The following STPG2 variants were observed in gnomAD, a reference collection of about 807,000 sequenced individuals.
The protein encoded by STPG2 is sperm tail PG-rich repeat containing 2.
A neutral mutation model predicts 54.2 loss-of-function variants in STPG2; 56 were observed. The observed-to-expected ratio is 1.03, with a 90% CI of 0.83 to 1.29. The LOEUF (loss-of-function observed/expected upper bound fraction) is 1.29. Among genes scored for constraint, STPG2 ranks in the 50% most tolerant of loss-of-function variants. STPG2 has a pLI of 0.00. For missense variants in STPG2, 596 were observed against 544.9 expected, an observed-to-expected ratio of 1.09 and a Z score of -0.93; for synonymous variants, 200 against 181.8, an observed-to-expected ratio of 1.10 and a Z score of -0.81.
chr4:98,012,013 C>G (rs1473523200), intron 5 of STPG2, among the ~76,000 whole-genome samples: 1 of 152,194 alleles, frequency 6.6e-6, no homozygotes, highest in Non-Finnish European at 1.5e-5. Context: ...GCATTTTCGT[C>G]ATGAAATCTT....
intron 8 of STPG2, among the ~76,000 whole-genome samples, chr4:97,940,360 A>G (rs1415953074): frequency 6.6e-6 from 1 of 152,168 alleles, no homozygotes; most frequent in Non-Finnish European, 1.5e-5. Context: ...CAAAATTGGG[A>G]AAGTAGTCAT....
chr4:97,972,567 T>A, intron 6 of STPG2, 127 bp from the exon 7 acceptor site: 1 of 543,024 alleles, frequency 1.8e-6, no homozygotes, highest in Non-Finnish European at 3.0e-6. Context: ...GGCATAAATG[T>A]AAAATGGCAT....
chr4:97,627,276 A>ATCAC (rs529761756), intron 10 of STPG2, among the ~76,000 whole-genome samples: 138 of 152,292 alleles, frequency 9.1e-4, no homozygotes, highest in African/African-American at 3.1e-3. Context: ...CAGATAAAAG[A>ATCAC]TCACTGATCT....
intron 5 of STPG2, among the ~76,000 whole-genome samples, chr4:98,101,579 C>T (rs1327611005): frequency 6.6e-6 from 1 of 152,096 alleles, no homozygotes; most frequent in Admixed American, 6.6e-5. Context: ...ATCAGAATCA[C>T]CCAACCTTAA....
intron 10 of STPG2, among the ~76,000 whole-genome samples, chr4:97,591,424 T>G (rs1477933568): frequency 6.6e-6 from 1 of 152,166 alleles, no homozygotes; most frequent in African/African-American, 2.4e-5. Flanking sequence ...GGCTAAGTTA[T>G]ATATTATTTC....
chr4:97,471,924 A>C (rs1560622959), intron 4 of STPG2, among the ~76,000 whole-genome samples: 1 of 152,266 alleles, frequency 6.6e-6, no homozygotes, highest in Middle Eastern at 3.4e-3. Flanking sequence ...TGGTAAATAA[A>C]ATTTTTTCTT....
chr4:97,573,689 T>C (rs998261397), intron 10 of STPG2, among the ~76,000 whole-genome samples: 1 of 152,122 alleles, frequency 6.6e-6, no homozygotes, highest in South Asian at 2.1e-4. Context: ...TTTTAAAATG[T>C]CCTCAATATC....
chr4:98,121,727 T>G (rs1214998), intron 3 of STPG2, among the ~76,000 whole-genome samples: 82,074 of 151,060 alleles, frequency 0.54, 22,559 homozygotes, highest in African/African-American at 0.62. Context: ...GTGATTTTTT[T>G]TGTGTGTGTG....
In STPG2 at chr4:97,719,293, C is replaced by A. The variant is rs574585841; in HGVS notation, c.1205-6479G>T. Among the ~76,000 whole-genome samples the A allele has an allele frequency of 4.5e-4, 69 of 151,986 alleles. No individual in the cohort carries two copies. The South Asian group carries it at 0.014, about 31-fold the overall frequency. ...GAAATGTTACTCCACTGGTCTCTGG[C>A]TGAACTTGTTGTAGGGCATGACACA... On this transcript the variant is annotated intron_variant, in intron 9 of 10. Coordinates refer to ENST00000295268, the MANE Select transcript of STPG2 (RefSeq NM_174952.3).
chr4:97,969,075 T>A (rs1734222787), intron 7 of STPG2, among the ~76,000 whole-genome samples: 1 of 152,242 alleles, frequency 6.6e-6, no homozygotes, highest in African/African-American at 2.4e-5. Context: ...CACCCTCATC[T>A]TGCCACGGCT....
intron 5 of STPG2, among the ~76,000 whole-genome samples, chr4:98,047,822 T>G (rs1737184966): frequency 6.6e-6 from 1 of 152,248 alleles, no homozygotes; most frequent in Admixed American, 6.5e-5. Context: ...TTCATATTTT[T>G]CTGCATTGCA....
intron 8 of STPG2, among the ~76,000 whole-genome samples, chr4:97,934,882 A>T (rs1476450046): frequency 6.6e-6 from 1 of 152,104 alleles, no homozygotes; most frequent in Non-Finnish European, 1.5e-5. Context: ...AAATTAGTTA[A>T]GGAGAAGCCC....
chr4:97,609,057 AT>A (rs1412471664), intron 10 of STPG2, among the ~76,000 whole-genome samples: 25 of 152,124 alleles, frequency 1.6e-4, no homozygotes, highest in Admixed American at 1.2e-3. Flanking sequence ...TAAAATAAGC[AT>A]TTTTTTATCC....
chr4:97,993,163 G>A (rs1449576710), intron 5 of STPG2, among the ~76,000 whole-genome samples: 3 of 152,108 alleles, frequency 2.0e-5, no homozygotes, highest in Non-Finnish European at 4.4e-5. Flanking sequence ...TCTTGCTCCA[G>A]TTCTCAGGAA....
intron 8 of STPG2, among the ~76,000 whole-genome samples, chr4:97,939,880 G>A (rs1436509844): frequency 2.0e-5 from 3 of 152,108 alleles, no homozygotes; most frequent in African/African-American, 4.8e-5. Flanking sequence ...TTGTTCATGT[G>A]GTTATTTTAC....
chr4:97,952,243 A>C (rs770983060), intron 7 of STPG2, among the ~76,000 whole-genome samples: 1 of 152,144 alleles, frequency 6.6e-6, no homozygotes, highest in Non-Finnish European at 1.5e-5. Context: ...CTGTAAGAGA[A>C]GACCCAGTTG....
intron 10 of STPG2, among the ~76,000 whole-genome samples, chr4:97,651,049 G>C (rs1173641101): frequency 6.6e-6 from 1 of 151,872 alleles, no homozygotes; most frequent in Non-Finnish European, 1.5e-5. Flanking sequence ...AGTGAGTATA[G>C]TAAAACATTC....
At chr4:97,992,295 C>T (rs1283567779) in intron 5 of STPG2, among the ~76,000 whole-genome samples, 1 of 152,096 alleles carries the variant, frequency 6.6e-6, no homozygotes, top group Non-Finnish European at 1.5e-5. Context: ...AGATGAGGAT[C>T]CAGTTTCATT....
At chr4:98,090,891 A>G (rs983382358) in intron 5 of STPG2, among the ~76,000 whole-genome samples, 2 of 150,542 alleles carry the variant, frequency 1.3e-5, no homozygotes, top group Non-Finnish European at 3.0e-5. Context: ...TTTTCTTACT[A>G]CCTTCAAGAC....
Sources: allele counts gnomAD v4.1 joint callset (sites outside exome capture counted in the v4.1 genomes callset), GRCh38; gene constraint gnomAD v4.1.1; transcripts MANE v1.5; gene names NCBI Gene and HGNC (gene_info 2026-07-23, HGNC 2026-07-21).